Variants in DLEU7 observed in about 807,000 individuals in gnomAD.
The protein encoded by DLEU7 is leukemia-associated protein 7.
Under a neutral mutation model 16.0 loss-of-function variants are expected in DLEU7, and 17 were observed. That is an observed-to-expected ratio of 1.06 (90% CI 0.73 to 1.59). DLEU7 has a LOEUF of 1.59. Ranked by LOEUF, DLEU7 falls within the 40% of genes most tolerant of loss-of-function variation. The pLI is 0.00. For missense variants in DLEU7, 308 were observed against 314.9 expected, an observed-to-expected ratio of 0.98 and a Z score of 0.17; for synonymous variants, 113 against 139.8, an observed-to-expected ratio of 0.81 and a Z score of 1.35.
At chr13:50,751,469 C>T (rs1359364463) in intron 1 of DLEU7, among the ~76,000 whole-genome samples, 3 of 152,158 alleles carry the variant, frequency 2.0e-5, no homozygotes, top group Non-Finnish European at 4.4e-5. Flanking sequence ...AGGGTTCCCT[C>T]TTTCTCTATC....
intron 1 of DLEU7, among the ~76,000 whole-genome samples, chr13:50,738,137 A>T (rs1874136580): frequency 6.6e-6 from 1 of 152,204 alleles, no homozygotes. Context: ...TGTAAAGGCT[A>T]AGAAAGCTGC....
chr13:50,800,110 C>T (rs1312200562), intron 1 of DLEU7, among the ~76,000 whole-genome samples: 2 of 152,108 alleles, frequency 1.3e-5, no homozygotes, highest in Non-Finnish European at 2.9e-5. Flanking sequence ...GGTACGATGC[C>T]TCTGCTGAGG....
chr13:50,788,703 G>T (rs566605274), intron 1 of DLEU7, among the ~76,000 whole-genome samples: 1 of 152,136 alleles, frequency 6.6e-6, no homozygotes, highest in African/African-American at 2.4e-5. Context: ...AAGGGCCCTC[G>T]CCTGGGATGT....
At chr13:50,720,077 T>C (rs1489203485) in intron 1 of DLEU7, among the ~76,000 whole-genome samples, 2 of 152,220 alleles carry the variant, frequency 1.3e-5, no homozygotes, top group African/African-American at 4.8e-5. Flanking sequence ...ATTTTATGGC[T>C]ATCTCAGTGG....
intron 1 of DLEU7, among the ~76,000 whole-genome samples, chr13:50,781,479 C>T (rs915014075): frequency 2.6e-5 from 4 of 152,106 alleles, no homozygotes; most frequent in South Asian, 2.1e-4. Context: ...TCTTGAGCAC[C>T]GCCAACATCC....
chr13:50,735,033 A>G (rs1031345217), intron 1 of DLEU7, among the ~76,000 whole-genome samples: 1 of 152,162 alleles, frequency 6.6e-6, no homozygotes, highest in African/African-American at 2.4e-5. Flanking sequence ...AGACCTCAGG[A>G]CAAAGAATAA....
intron 1 of DLEU7, among the ~76,000 whole-genome samples, chr13:50,834,839 G>A (rs7317290): frequency 0.57 from 85,837 of 151,746 alleles, 24,569 homozygotes; most frequent in African/African-American, 0.66. Flanking sequence ...TGGCACATAT[G>A]CACCATGGAA....
At chr13:50,743,908 T>A (rs534958201) in intron 1 of DLEU7, among the ~76,000 whole-genome samples, 2 of 152,316 alleles carry the variant, frequency 1.3e-5, no homozygotes, top group African/African-American at 2.4e-5. Context: ...ATGAAGCTAT[T>A]GTCTTTTTGA....
At chr13:50,803,493 T>C (rs1024913425) in intron 1 of DLEU7, among the ~76,000 whole-genome samples, 1 of 152,172 alleles carries the variant, frequency 6.6e-6, no homozygotes, top group Admixed American at 6.6e-5. Flanking sequence ...ACCAGCCCCA[T>C]GTGGCTCTTG....
intron 1 of DLEU7, among the ~76,000 whole-genome samples, chr13:50,714,807 T>C (rs1157217982): frequency 6.6e-6 from 1 of 152,214 alleles, no homozygotes; most frequent in African/African-American, 2.4e-5. Context: ...GAACATAGAA[T>C]GTATTAGTGT....
At chr13:50,761,599 C>T (rs927780485) in intron 1 of DLEU7, among the ~76,000 whole-genome samples, 32 of 152,076 alleles carry the variant, frequency 2.1e-4, no homozygotes, top group African/African-American at 7.0e-4. Flanking sequence ...CCAACCAGGT[C>T]GCTTTCACAA....
At position 50,836,622 on chromosome 13, in the gene DLEU7, C is replaced by T. The variant is rs531330904; in HGVS notation, c.459+6566G>A. Reference sequence around the variant, plus strand: ...CCAGGAGGCAGAGCTTGCAGTGAGCCGAGATCATGCCACTGCACTCCAGCC... The same window carrying T: ...CCAGGAGGCAGAGCTTGCAGTGAGCTGAGATCATGCCACTGCACTCCAGCC... On this transcript the variant is annotated intron_variant, in intron 1 of 1. Coordinates refer to ENST00000504404, the MANE Select transcript of DLEU7 (RefSeq NM_001306135.2). Among the ~76,000 whole-genome samples, 17 of 151,292 alleles carry T rather than the reference C, an allele frequency of 1.1e-4. No individual in the cohort carries two copies. In the South Asian group the frequency reaches 2.3e-3, roughly 20 times the overall value.
At chr13:50,832,318 G>A (rs146395894) in intron 1 of DLEU7, among the ~76,000 whole-genome samples, 1,576 of 152,184 alleles carry the variant, frequency 0.01, 33 homozygotes, top group African/African-American at 0.036. Context: ...ATTTCTTTGG[G>A]ATCAGTGGTG....
At chr13:50,711,768 G>GCGGCC (rs1566225367), downstream of DLEU7, 24 of 77,782 alleles carry the variant, frequency 3.1e-4, no homozygotes, top group African/African-American at 1.3e-3. Context: ...CAATGACCCA[G>GCGGCC]TGGCGGGGGC....
intron 1 of DLEU7, among the ~76,000 whole-genome samples, chr13:50,739,135 C>G (rs1459771158): frequency 6.6e-6 from 1 of 152,174 alleles, no homozygotes; most frequent in Non-Finnish European, 1.5e-5. Flanking sequence ...CCTCTCCTCC[C>G]ACCTAGCTCA....
At chr13:50,738,569 G>A (rs1874151217) in intron 1 of DLEU7, among the ~76,000 whole-genome samples, 1 of 152,046 alleles carries the variant, frequency 6.6e-6, no homozygotes. Flanking sequence ...GTAATGACAA[G>A]AACCTGCCTG....
rs1388943116 is a variant in DLEU7 at position 50,815,244 on chromosome 13, G to A, written c.459+27944C>T. On this transcript the variant is annotated intron_variant, in intron 1 of 1. Transcript: ENST00000400393. ...TTAATGCATAGAAGTCCATTTGGGA[G>A]CATGTTAGATACGTAATCATTACTT... 2.6e-5 allele frequency among the ~76,000 whole-genome samples: 4 copies of A among 152,188 alleles called. No homozygotes were observed. The East Asian group carries it at 5.8e-4, about 22-fold the overall frequency.
intron 1 of DLEU7, among the ~76,000 whole-genome samples, chr13:50,766,569 C>T (rs988249131): frequency 1.3e-5 from 2 of 152,062 alleles, no homozygotes; most frequent in African/African-American, 4.8e-5. Context: ...CTCATCATCA[C>T]TCCTTTCTCC....
At chr13:50,767,850 T>C (rs1875168658) in intron 1 of DLEU7, among the ~76,000 whole-genome samples, 2 of 152,196 alleles carry the variant, frequency 1.3e-5, no homozygotes, top group Admixed American at 1.3e-4. Context: ...CAAGCCTCCG[T>C]GATGCTTTCT....
Sources: allele counts gnomAD v4.1 joint callset (sites outside exome capture counted in the v4.1 genomes callset), GRCh38; gene constraint gnomAD v4.1.1; transcripts MANE v1.5; gene names NCBI Gene and HGNC (gene_info 2026-07-23, HGNC 2026-07-21).